Variants in NIBAN1 observed in about 807,000 individuals in gnomAD.
NIBAN1 encodes the protein protein Niban 1.
In NIBAN1, 81 loss-of-function variants were observed where a neutral mutation model predicts 75.1. The ratio of observed to expected loss-of-function variants is 1.08; its 90% CI spans 0.90 to 1.30. The LOEUF (loss-of-function observed/expected upper bound fraction) is 1.30. Ranked by LOEUF, NIBAN1 falls within the 50% of genes most tolerant of loss-of-function variation. The pLI is 0.00. For synonymous variants in NIBAN1, 436 were observed against 424.8 expected, an observed-to-expected ratio of 1.03 and a Z score of -0.32; for missense variants, 1,133 against 1,128.1, an observed-to-expected ratio of 1.00 and a Z score of -0.06.
intron 5 of NIBAN1, among the ~76,000 whole-genome samples, chr1:184,853,092 T>C (rs1034392578): frequency 2.0e-5 from 3 of 152,248 alleles, no homozygotes; most frequent in East Asian, 1.9e-4. Flanking sequence ...ATAGCAAAAC[T>C]ATGAAATATT....
intron 11 of NIBAN1, 26 bp from the exon 12 acceptor site, chr1:184,803,718 A>C (rs1198147026): frequency 6.3e-7 from 1 of 1,582,572 alleles, no homozygotes; most frequent in African/African-American, 1.3e-5. Flanking sequence ...CATATGTTAA[A>C]TAGTAACATT....
chr1:184,929,678 CAT>C (rs1348704743), intron 1 of NIBAN1, among the ~76,000 whole-genome samples: 1 of 152,112 alleles, frequency 6.6e-6, no homozygotes, highest in African/African-American at 2.4e-5. Flanking sequence ...TCCTCCACCA[CAT>C]GAGTTGTATA....
intron 4 of NIBAN1, among the ~76,000 whole-genome samples, chr1:184,886,322 C>T (rs1260984082): frequency 2.6e-5 from 4 of 152,136 alleles, no homozygotes; most frequent in Non-Finnish European, 5.9e-5. Flanking sequence ...CCGTGCTGTT[C>T]CCCTCCGCAA....
At chr1:184,957,355 C>G (rs1348682882) in intron 1 of NIBAN1, among the ~76,000 whole-genome samples, 1 of 152,208 alleles carries the variant, frequency 6.6e-6, no homozygotes, top group Non-Finnish European at 1.5e-5. Context: ...ATAAATAAAG[C>G]AGAATACCTC....
chr1:184,846,051 GCA>G (rs1655435420), intron 5 of NIBAN1, among the ~76,000 whole-genome samples: 1 of 86,694 alleles, frequency 1.2e-5, no homozygotes, highest in Non-Finnish European at 2.3e-5. Flanking sequence ...TGGGGGAGGG[GCA>G]CCCGCCATTG....
intron 5 of NIBAN1, chr1:184,868,385 A>T (rs1463870550): frequency 6.6e-6 from 1 of 152,238 alleles, no homozygotes; most frequent in Non-Finnish European, 1.5e-5. Context: ...TAAAACACAA[A>T]GAACTGGTAA....
chr1:184,926,109 G>A (rs987960494), intron 1 of NIBAN1, among the ~76,000 whole-genome samples: 1 of 152,216 alleles, frequency 6.6e-6, no homozygotes, highest in Non-Finnish European at 1.5e-5. Context: ...TACTATTCTA[G>A]GATACAAGGT....
intron 6 of NIBAN1, among the ~76,000 whole-genome samples, chr1:184,828,043 A>T (rs1175000376): frequency 1.3e-5 from 2 of 151,884 alleles, no homozygotes; most frequent in Non-Finnish European, 2.9e-5. Flanking sequence ...TTTAAAAGCA[A>T]ATAATAAATA....
At chr1:184,876,821 T>C (rs183011572) in intron 5 of NIBAN1, among the ~76,000 whole-genome samples, 493 of 152,302 alleles carry the variant, frequency 3.2e-3, no homozygotes, top group African/African-American at 0.011. Flanking sequence ...TATTAAAACA[T>C]GCAAATAATT....
chr1:184,914,904 A>T (rs1248371667), intron 1 of NIBAN1, among the ~76,000 whole-genome samples: 1 of 151,940 alleles, frequency 6.6e-6, no homozygotes, highest in Admixed American at 6.6e-5. Context: ...TTGTACTTTT[A>T]GTAGAGACGG....
intron 1 of NIBAN1, among the ~76,000 whole-genome samples, chr1:184,962,408 T>C (rs1428726634): frequency 6.6e-6 from 1 of 152,214 alleles, no homozygotes; most frequent in Non-Finnish European, 1.5e-5. Flanking sequence ...TGATTCTCAG[T>C]GTGGAAAAGG....
chr1:184,800,029 G>A lies in NIBAN1; in HGVS notation c.1555-1839C>T, dbSNP rs1186655601. Among the ~76,000 whole-genome samples, 2 of 102,534 alleles carry A rather than the reference G, an allele frequency of 2.0e-5. 1 individual carries two copies. Among genetic ancestry groups the A allele is most frequent in the Non-Finnish European group, 3.7e-5 (2 of 53,564 alleles). The allele number at this position is 102,534 out of a possible 152,430, so 67.3% of individuals were successfully genotyped here. ...CAAAGTGCTGGGATTACAGGCGTGA[G>A]CCACCGCGCCCGGCCATGATTGCCA... On this transcript the variant is annotated intron_variant, in intron 12 of 13. Transcript: ENST00000367511.
chr1:184,823,883 C>G, intron 6 of NIBAN1, 141 bp from the exon 7 acceptor site: 1 of 604,602 alleles, frequency 1.7e-6, no homozygotes, highest in Non-Finnish European at 2.9e-6. Flanking sequence ...TAACCTACTA[C>G]AGAGGCCACA....
At chr1:184,916,377 A>T (rs1208572808) in intron 1 of NIBAN1, among the ~76,000 whole-genome samples, 1 of 152,240 alleles carries the variant, frequency 6.6e-6, no homozygotes, top group Non-Finnish European at 1.5e-5. Flanking sequence ...TTCAGCTTAC[A>T]TTTTAAATTT....
At chr1:184,904,292 T>C (rs1179304306) in intron 1 of NIBAN1, among the ~76,000 whole-genome samples, 1 of 152,170 alleles carries the variant, frequency 6.6e-6, no homozygotes, top group African/African-American at 2.4e-5. Flanking sequence ...ACTCCCATAG[T>C]GCTGGGATTA....
At chr1:184,866,652 A>G (rs1335612191) in intron 5 of NIBAN1, among the ~76,000 whole-genome samples, 1 of 152,216 alleles carries the variant, frequency 6.6e-6, no homozygotes, top group Non-Finnish European at 1.5e-5. Context: ...CTGGTAAAAA[A>G]TATACATGGT....
intron 1 of NIBAN1, among the ~76,000 whole-genome samples, chr1:184,955,054 A>T (rs1425523026): frequency 6.6e-6 from 1 of 152,158 alleles, no homozygotes; most frequent in Admixed American, 6.5e-5. Flanking sequence ...AATATATGTT[A>T]TTTAGCCCAA....
At chr1:184,796,512 A>G (rs1209674729) in intron 13 of NIBAN1, among the ~76,000 whole-genome samples, 1 of 152,122 alleles carries the variant, frequency 6.6e-6, no homozygotes, top group East Asian at 1.9e-4. Context: ...CCTTACACTT[A>G]TCTGCTTTAC....
chr1:184,969,444 A>G (rs1176485118), intron 1 of NIBAN1, among the ~76,000 whole-genome samples: 1 of 152,178 alleles, frequency 6.6e-6, no homozygotes, highest in Non-Finnish European at 1.5e-5. Context: ...AACAAAGTCA[A>G]AAGATGGAGA....
Sources: allele counts gnomAD v4.1 joint callset (sites outside exome capture counted in the v4.1 genomes callset), GRCh38; gene constraint gnomAD v4.1.1; transcripts MANE v1.5; gene names NCBI Gene and HGNC (gene_info 2026-07-23, HGNC 2026-07-21).